FLNB: variants seen among roughly 807,000 people sequenced by gnomAD.
FLNB encodes filamin-B.
FLNB carries 111 observed loss-of-function variants against 250.6 expected under a neutral mutation model. That is an observed-to-expected ratio of 0.44 (90% CI 0.38 to 0.52). FLNB has a LOEUF of 0.52. FLNB is among the 20% of genes least tolerant of loss of function. The pLI, the probability that FLNB is intolerant of heterozygous loss-of-function variation, is 0.00. For missense variants in FLNB, 2,869 were observed against 3,447.8 expected, an observed-to-expected ratio of 0.83 and a Z score of 4.20; for synonymous variants, 1,302 against 1,372.1, an observed-to-expected ratio of 0.95 and a Z score of 1.13.
chr3:58,144,374 G>A (rs932413670), intron 32 of FLNB, among the ~76,000 whole-genome samples: 4 of 152,138 alleles, frequency 2.6e-5, no homozygotes, highest in African/African-American at 9.7e-5. Flanking sequence ...TAACAGGCAT[G>A]AGCCGCCACG....
intron 40 of FLNB, 23 bp from the exon 41 acceptor site, chr3:58,155,937 A>G (rs1452459403): frequency 6.5e-7 from 1 of 1,535,214 alleles, no homozygotes; most frequent in East Asian, 2.2e-5. Flanking sequence ...CTCTGAAATG[A>G]TGGGACTTTC....
chr3:58,130,768 A>T lies in FLNB; in HGVS notation c.4250A>T (p.Asp1417Val), dbSNP rs1314647150. Residue 1417 changes from aspartate to valine, a missense_variant, in exon 25 of 46, where the codon GAT becomes GTT. Physicochemically the swap from Asp to Val is radical, Grantham distance 152. Transcript: ENST00000295956. ...AGCCCCTTCAGGGTTCCTGTGAAGG[A>T]TGTTGTGGACCCCAGCAAGGTCAAG... ...PGSPFRVPVK[D>V]VVDPSKVKIA... The T allele has an allele frequency of 6.2e-7, 1 of 1,613,654 alleles. No homozygotes were observed. Among genetic ancestry groups the T allele is most frequent in the African/African-American group, 1.3e-5 (1 of 74,878 alleles).
intron 4 of FLNB, among the ~76,000 whole-genome samples, chr3:58,085,169 C>T (rs2097215481): frequency 6.6e-6 from 1 of 152,232 alleles, no homozygotes; most frequent in South Asian, 2.1e-4. Flanking sequence ...TGAGACCCTG[C>T]TTTCAATTCT....
chr3:58,150,354 C>T (rs2097342879), intron 38 of FLNB, 127 bp downstream of exon 38: 1 of 948,836 alleles, frequency 1.1e-6, no homozygotes, highest in Admixed American at 1.9e-5. Flanking sequence ...CTGACCTTTT[C>T]ATTTCACTTC....
Position 58,126,716 on chromosome 3 carries a change from G to A in FLNB, c.4176G>A (p.Pro1392=), listed in dbSNP as rs370505991. The change falls in exon 24 of 46, where the codon CCG becomes CCA. Residue 1392 remains proline (P), a synonymous_variant. Coordinates refer to ENST00000295956, the MANE Select transcript of FLNB (RefSeq NM_001457.4). The part of the protein sequence containing the change: ...SCSAEYIPFA[P]GDYDVNITYG... ...GTGCTGAGTACATTCCTTTCGCACC[G>A]GGGGATTACGATGTTAATATCACAT... The A allele has an allele frequency of 2.0e-5, 32 of 1,613,528 alleles. No individual in the cohort carries two copies. Among genetic ancestry groups the A allele is most frequent in the South Asian group, 7.7e-5 (7 of 91,028 alleles).
chr3:58,066,360 C>T (rs2097185753), intron 1 of FLNB, among the ~76,000 whole-genome samples: 1 of 151,940 alleles, frequency 6.6e-6, no homozygotes, highest in African/African-American at 2.4e-5. Flanking sequence ...GCTGGGATTA[C>T]AGGCGCCCGC....
rs1202179717 is a variant in FLNB at position 58,100,600 on chromosome 3, TG to T, written c.1346-1602del. Among the ~76,000 whole-genome samples, 907 of 136,148 alleles carry T rather than the reference TG, an allele frequency of 6.7e-3. 36 individuals are homozygous for T. Among genetic ancestry groups the T allele is most frequent in the African/African-American group, 0.024 (816 of 34,450 alleles). The allele number at this position is 136,148 out of a possible 152,430, so 89.3% of individuals were successfully genotyped here. On this transcript the variant is annotated intron_variant, in intron 8 of 45. Transcript: ENST00000295956. Reference sequence around the variant, plus strand: ...TTCTTTTTCTTTTTCTTTTTTTTTTTGTTTTGTTTTGTTTTGAGACAGAGTC... The same window carrying T: ...TTCTTTTTCTTTTTCTTTTTTTTTTTTTTTGTTTTGTTTTGAGACAGAGTC...
intron 28 of FLNB, among the ~76,000 whole-genome samples, 200 bp downstream of exon 28, chr3:58,136,368 A>G (rs1019165664): frequency 6.6e-6 from 1 of 152,216 alleles, no homozygotes; most frequent in African/African-American, 2.4e-5. Context: ...AGGAACAGAG[A>G]CTGTTTTACA....
rs2107349629 is a variant in FLNB at position 58,171,350 on chromosome 3, C to A, written c.*588C>A. 6.4e-6 allele frequency: 1 copy of A among 155,084 alleles called. No individual in the cohort carries two copies. Among genetic ancestry groups the A allele is most frequent in the Admixed American group, 6.4e-5 (1 of 15,660 alleles). The allele number at this position is 155,084 out of a possible 1,614,324, so 9.6% of individuals were successfully genotyped here. On this transcript the variant is annotated 3_prime_UTR_variant, in exon 46 of 46. Transcript: ENST00000295956. This position sits in a 1 kb window ranked among gnomAD's most constrained non-coding sequence, Gnocchi z 5.5. ...AGAGGGCAGAGTGGCAGCCGGGCAC[C>A]CTACAGAAACTCAGAGGGCAGAGTG...
At chr3:58,134,525 C>T in intron 26 of FLNB, 91 bp from the exon 27 acceptor site, 2 of 1,466,294 alleles carry the variant, frequency 1.4e-6, no homozygotes, top group Admixed American at 1.7e-5. Context: ...ATCCCCTTTT[C>T]CATCCCACTC....
chr3:58,045,062 G>A (rs993092809), intron 1 of FLNB, among the ~76,000 whole-genome samples: 5 of 152,160 alleles, frequency 3.3e-5, no homozygotes, highest in South Asian at 2.1e-4. Flanking sequence ...AGTTTGTAGG[G>A]ATGAGCCTGG....
chr3:58,104,053 C>T lies in FLNB; in HGVS notation c.1578C>T (p.Ala526=). Reference sequence around the variant, plus strand: ...GCACCCCGGGGAGATACAGCATTGCCATCACATGGGGGGGACACCACATTC... The same window carrying T: ...GCACCCCGGGGAGATACAGCATTGCTATCACATGGGGGGGACACCACATTC... ...YPSTPGRYSI[A]ITWGGHHIPK... is the part of the protein sequence containing the mutation. Residue 526 remains alanine (A), a synonymous_variant, in exon 10 of 46, where the codon GCC becomes GCT. Coordinates refer to ENST00000295956, the MANE Select transcript of FLNB (RefSeq NM_001457.4). 1 of 1,613,986 alleles carries T rather than the reference C, an allele frequency of 6.2e-7. No individual in the cohort carries two copies. Among genetic ancestry groups the T allele is most frequent in the African/African-American group, 1.3e-5 (1 of 74,996 alleles).
At chr3:58,095,776 G>A (rs191004926) in intron 5 of FLNB, among the ~76,000 whole-genome samples, 1 of 152,344 alleles carries the variant, frequency 6.6e-6, no homozygotes, top group East Asian at 1.9e-4. Context: ...GGCAGGGATT[G>A]TATCTGACTT....
At chr3:58,100,358 CAT>C (rs2097247777) in intron 8 of FLNB, among the ~76,000 whole-genome samples, 1 of 33,610 alleles carries the variant, frequency 3.0e-5, no homozygotes, top group African/African-American at 2.2e-4. Context: ...AATGATTTTA[CAT>C]ATGTAAAAAA....
intron 16 of FLNB, 47 bp downstream of exon 16, chr3:58,110,217 C>T: frequency 6.3e-7 from 1 of 1,587,586 alleles, no homozygotes; most frequent in Non-Finnish European, 8.7e-7. Flanking sequence ...GGCCTGGATT[C>T]TCTTTGGCCA....
chr3:58,134,979 T>A (rs575946929), intron 27 of FLNB, among the ~76,000 whole-genome samples: 1 of 152,280 alleles, frequency 6.6e-6, no homozygotes, highest in East Asian at 1.9e-4. Context: ...CACTTTTTGG[T>A]GAATTTTCAT....
intron 39 of FLNB, among the ~76,000 whole-genome samples, chr3:58,154,011 C>T (rs969659582): frequency 9.2e-5 from 14 of 152,218 alleles, no homozygotes; most frequent in African/African-American, 3.1e-4. Flanking sequence ...CTGTGGTTGC[C>T]GCTGGTGGGA....
intron 41 of FLNB, among the ~76,000 whole-genome samples, chr3:58,157,948 C>A (rs2097355767): frequency 6.6e-6 from 1 of 152,244 alleles, no homozygotes. Flanking sequence ...GCCCCCTGTT[C>A]TTCCCGGGTC....
chr3:58,053,962 C>A (rs2106852083), intron 1 of FLNB, among the ~76,000 whole-genome samples: 2 of 152,316 alleles, frequency 1.3e-5, no homozygotes, highest in Middle Eastern at 6.8e-3. Context: ...CAACACCTTT[C>A]ACCTGGGCTG....
Sources: gnomAD v4.1 joint callset for allele counts (sites outside exome capture counted in the v4.1 genomes callset) on GRCh38, gnomAD v4.1.1 for gene constraint, Gnocchi (gnomAD v3.1) non-coding constraint, MANE v1.5 for transcripts, NCBI Gene and HGNC (gene_info 2026-07-23, HGNC 2026-07-21) for gene names.